The following GLE1 variants were observed in gnomAD, a reference collection of about 807,000 sequenced individuals.
GLE1 encodes mRNA export factor GLE1.
A neutral mutation model predicts 97.3 loss-of-function variants in GLE1; 78 were observed. The observed-to-expected ratio is 0.80, with a 90% CI of 0.67 to 0.97. GLE1 has a LOEUF of 0.97. Among genes scored for constraint, GLE1 ranks in the 50% least tolerant of loss-of-function variants. The pLI is 0.00. For synonymous variants in GLE1, 302 were observed against 313.4 expected (o/e 0.96, Z 0.39); for missense variants, 753 against 857.5 (o/e 0.88, Z 1.52).
intron 3 of GLE1, among the ~76,000 whole-genome samples, chr9:128,518,878 A>G (rs1261800058): frequency 1.3e-5 from 2 of 151,786 alleles, no homozygotes; most frequent in African/African-American, 4.8e-5. Context: ...AAAAAAAAAA[A>G]GCTGGGCACT....
intron 4 of GLE1, 120 bp downstream of exon 4, chr9:128,522,936 TAGGC>T (rs1360547489): frequency 8.5e-7 from 1 of 1,174,230 alleles, no homozygotes; most frequent in Non-Finnish European, 1.2e-6. Context: ...CAAGGTAAAA[TAGGC>T]AGAGAATTTT....
intron 7 of GLE1, among the ~76,000 whole-genome samples, chr9:128,525,678 G>A (rs980920735): frequency 3.9e-5 from 6 of 152,068 alleles, no homozygotes; most frequent in Non-Finnish European, 5.9e-5. Flanking sequence ...AAATAAATGC[G>A]CACAGATATG....
intron 12 of GLE1, 142 bp from the exon 13 acceptor site, chr9:128,537,844 T>A (rs1847765493): frequency 1.4e-6 from 1 of 691,172 alleles, no homozygotes; most frequent in Non-Finnish European, 2.6e-6. Context: ...TTGTTTAGTT[T>A]GTGTTATTTC....
At position 128,540,301 on chromosome 9, in the gene GLE1, A is replaced by G; in HGVS notation, c.1991A>G (p.Gln664Arg). 6.2e-7 allele frequency: 1 copy of G among 1,610,280 alleles called. No homozygotes were observed. The highest frequency in any genetic ancestry group is 8.5e-7 in the Non-Finnish European group (1 of 1,176,492). The change falls in exon 15 of 16, where the codon CAG becomes CGG. Residue 664 changes from glutamine to arginine, a missense_variant. Gln to Arg is a conservative substitution (Grantham distance 43). Transcript: ENST00000309971. The part of the protein sequence containing the change: ...PRIEAITSSG[Q>R]MGSFIRLKQF... ...ATTGAAGCTATCACAAGCTCAGGAC[A>G]GATGGGCTCCTTCATACGCCTCAAG...
At chr9:128,530,382 G>A (rs1847455284) in intron 9 of GLE1, among the ~76,000 whole-genome samples, 1 of 152,114 alleles carries the variant, frequency 6.6e-6, no homozygotes, top group South Asian at 2.1e-4. Context: ...ATCTTAGCTG[G>A]AAACCTGGGA....
At chr9:128,533,382 A>G (rs1479362375) in intron 9 of GLE1, 131 bp from the exon 10 acceptor site, 3 of 717,196 alleles carry the variant, frequency 4.2e-6, no homozygotes, top group Non-Finnish European at 4.5e-6. Context: ...GTGAGCCAAG[A>G]TTGTGCCACT....
At chr9:128,505,039 G>A (rs748428071) in intron 1 of GLE1, 135 bp downstream of exon 1, 57 of 686,586 alleles carry the variant, frequency 8.3e-5, no homozygotes, top group Non-Finnish European at 1.3e-4. Context: ...ACTTCTGTGT[G>A]TACATCCCTC....
intron 7 of GLE1, among the ~76,000 whole-genome samples, chr9:128,526,223 C>T (rs996900349): frequency 3.3e-5 from 5 of 151,538 alleles, no homozygotes; most frequent in South Asian, 4.2e-4. Flanking sequence ...GATTTCACCA[C>T]GTTGGCCAGG....
At chr9:128,509,578 C>T (rs764142735) in intron 2 of GLE1, among the ~76,000 whole-genome samples, 1 of 151,616 alleles carries the variant, frequency 6.6e-6, no homozygotes, top group Non-Finnish European at 1.5e-5. Flanking sequence ...CTCAGAAGAC[C>T]CCTCTCTCTC....
At chr9:128,517,062 G>A (rs1000164471) in intron 3 of GLE1, among the ~76,000 whole-genome samples, 1 of 151,992 alleles carries the variant, frequency 6.6e-6, no homozygotes, top group African/African-American at 2.4e-5. Flanking sequence ...GGGTGAGGCA[G>A]GTGGATCACC....
At chr9:128,506,559 A>T (rs1163066302) in intron 1 of GLE1, among the ~76,000 whole-genome samples, 1 of 152,164 alleles carries the variant, frequency 6.6e-6, no homozygotes, top group Non-Finnish European at 1.5e-5. Flanking sequence ...GGAATCAGCT[A>T]TTTCTCCAAA....
intron 9 of GLE1, among the ~76,000 whole-genome samples, chr9:128,530,055 C>T (rs1232282662): frequency 6.6e-6 from 1 of 152,184 alleles, no homozygotes; most frequent in East Asian, 1.9e-4. Context: ...CTCGGCCTCC[C>T]AAAGTGCTGG....
At chr9:128,513,708 CAAAA>C (rs374811299) in intron 2 of GLE1, among the ~76,000 whole-genome samples, 1 of 115,234 alleles carries the variant, frequency 8.7e-6, no homozygotes. Flanking sequence ...GACCCTGTCT[CAAAA>C]AAAAAAAAAA....
chr9:128,540,996 C>A (rs973872694), intron 15 of GLE1, 106 bp from the exon 16 acceptor site: 45 of 787,580 alleles, frequency 5.7e-5, no homozygotes, highest in Non-Finnish European at 4.6e-6. Context: ...GTTCACTGTT[C>A]CATAGGGCTG....
intron 4 of GLE1, 34 bp downstream of exon 4, chr9:128,522,850 A>G (rs936993925): frequency 3.7e-6 from 6 of 1,611,136 alleles, no homozygotes; most frequent in Middle Eastern, 1.7e-4. Flanking sequence ...GGGAATGTTG[A>G]TGTGTTCAAC....
chr9:128,515,199 C>T (rs1846946109), intron 2 of GLE1, among the ~76,000 whole-genome samples: 1 of 152,068 alleles, frequency 6.6e-6, no homozygotes, highest in South Asian at 2.1e-4. Context: ...GGGGATACTC[C>T]ATCCAAAGCA....
chr9:128,527,790 C>G (rs1057381751), intron 9 of GLE1, among the ~76,000 whole-genome samples: 5 of 151,498 alleles, frequency 3.3e-5, no homozygotes, highest in African/African-American at 1.2e-4. Flanking sequence ...ATAGTGAAAC[C>G]CTGTCTCTAC....
In GLE1 at chr9:128,533,797, GCAGCATTCC is replaced by G; in HGVS notation, c.1494_1502del (p.Ala499_Pro501del). ...GGAGGAAGTGGCCTCTCACCATGAAGCAGCATTCCCCATTGCAGTTGTGGCATCCGGGAT... is the reference window on the plus strand; with the variant it reads ...GGAGGAAGTGGCCTCTCACCATGAAGCCATTGCAGTTGTGGCATCCGGGAT... On this transcript the variant is annotated inframe_deletion, in exon 11 of 16. Coordinates refer to ENST00000309971, the MANE Select transcript of GLE1 (RefSeq NM_001003722.2). 1 of 1,614,184 alleles carries G rather than the reference GCAGCATTCC, an allele frequency of 6.2e-7. No individual in the cohort carries two copies. Among genetic ancestry groups the G allele is most frequent in the South Asian group, 1.1e-5 (1 of 91,084 alleles).
chr9:128,530,737 G>C (rs191429940), intron 9 of GLE1, among the ~76,000 whole-genome samples: 155 of 151,866 alleles, frequency 1.0e-3, no homozygotes, highest in African/African-American at 3.6e-3. Flanking sequence ...GTGAAACCCT[G>C]TCTCTACTAA....
Sources: allele counts gnomAD v4.1 joint callset (sites outside exome capture counted in the v4.1 genomes callset), GRCh38; gene constraint gnomAD v4.1.1; transcripts MANE v1.5; gene names NCBI Gene and HGNC (gene_info 2026-07-23, HGNC 2026-07-21).